Variants in PPARGC1A observed in about 807,000 individuals in gnomAD.
PPARGC1A encodes the protein peroxisome proliferator-activated receptor gamma coactivator 1-alpha.
PPARGC1A carries 25 observed loss-of-function variants against 88.7 expected under a neutral mutation model. The ratio of observed to expected loss-of-function variants is 0.28; its 90% CI spans 0.21 to 0.39. The LOEUF (loss-of-function observed/expected upper bound fraction) is 0.39, where lower values mean the gene tolerates loss of function less well. Among genes scored for constraint, PPARGC1A ranks in the 10% least tolerant of loss-of-function variants. The pLI is 1.00. For missense variants in PPARGC1A, 880 were observed against 968.7 expected, an observed-to-expected ratio of 0.91 and a Z score of 1.22; for synonymous variants, 363 against 355.6, an observed-to-expected ratio of 1.02 and a Z score of -0.24.
the PPARGC1A span, among the ~76,000 whole-genome samples, chr4:24,191,933 A>T: frequency 6.6e-6 from 1 of 152,108 alleles, no homozygotes; most frequent in Non-Finnish European, 1.5e-5. Flanking sequence ...AGTACACAAC[A>T]CTCCCATTCA....
the PPARGC1A span, among the ~76,000 whole-genome samples, chr4:24,023,343 T>C: frequency 6.6e-6 from 1 of 152,196 alleles, no homozygotes; most frequent in African/African-American, 2.4e-5. Context: ...CTCACATATA[T>C]GAAAGTTGAA....
intron 2 of PPARGC1A, among the ~76,000 whole-genome samples, chr4:23,865,875 A>G (rs183251110): frequency 6.6e-6 from 1 of 151,990 alleles, no homozygotes; most frequent in Non-Finnish European, 1.5e-5. Flanking sequence ...AAATGAGTGG[A>G]AACTAGTATA....
At chr4:23,931,143 G>A in the PPARGC1A span, among the ~76,000 whole-genome samples, 2 of 152,174 alleles carry the variant, frequency 1.3e-5, no homozygotes, top group South Asian at 2.1e-4. Flanking sequence ...TGTGGTGGCC[G>A]CTGCCTTTCT....
upstream of PPARGC1A, among the ~76,000 whole-genome samples, chr4:23,903,485 G>A (rs1231954585): frequency 6.6e-6 from 1 of 152,152 alleles, no homozygotes; most frequent in Non-Finnish European, 1.5e-5. Context: ...CATAATGTTT[G>A]AGTAATGTTG....
chr4:23,969,743 C>A, the PPARGC1A span, among the ~76,000 whole-genome samples: 1 of 152,122 alleles, frequency 6.6e-6, no homozygotes, highest in African/African-American at 2.4e-5. Flanking sequence ...TGATTTATTT[C>A]TTTCTGCCAC....
chr4:24,326,462 C>T, the PPARGC1A span, among the ~76,000 whole-genome samples: 1 of 152,188 alleles, frequency 6.6e-6, no homozygotes, highest in Non-Finnish European at 1.5e-5. Flanking sequence ...GGATCTCAAA[C>T]ATGCTTTCTT....
the PPARGC1A span, among the ~76,000 whole-genome samples, chr4:24,230,399 G>T: frequency 2.0e-5 from 3 of 152,130 alleles, no homozygotes; most frequent in Non-Finnish European, 4.4e-5. Flanking sequence ...GGTTGTACAG[G>T]AGTCAGTTCC....
At chr4:23,861,441 T>C (rs1222406731) in intron 2 of PPARGC1A, among the ~76,000 whole-genome samples, 1 of 152,222 alleles carries the variant, frequency 6.6e-6, no homozygotes, top group East Asian at 1.9e-4. Flanking sequence ...CATTCATTCA[T>C]TCCTTCATTC....
At chr4:24,333,103 G>A in the PPARGC1A span, among the ~76,000 whole-genome samples, 5 of 152,172 alleles carry the variant, frequency 3.3e-5, no homozygotes, top group Admixed American at 6.5e-5. Flanking sequence ...TTAGCTGGGC[G>A]TGGTGACACG....
chr4:23,932,282 A>ATTAGTTCCTCAC, the PPARGC1A span, among the ~76,000 whole-genome samples: 18 of 151,210 alleles, frequency 1.2e-4, no homozygotes, highest in Non-Finnish European at 2.4e-4. Context: ...AGTGGGACTA[A>ATTAGTTCCTCAC]TTAGTTCCTC....
the PPARGC1A span, among the ~76,000 whole-genome samples, chr4:24,009,133 T>TA: frequency 1.2e-4 from 9 of 74,472 alleles, no homozygotes; most frequent in Non-Finnish European, 2.3e-4. Flanking sequence ...CCGCAGTCTA[T>TA]AAAAAAAAAA....
chr4:24,333,487 T>C, the PPARGC1A span, among the ~76,000 whole-genome samples: 2 of 152,252 alleles, frequency 1.3e-5, no homozygotes, highest in Non-Finnish European at 2.9e-5. Context: ...TATTCTGTTC[T>C]CTCTGCTTTT....
the PPARGC1A span, among the ~76,000 whole-genome samples, chr4:23,975,885 T>C: frequency 6.6e-6 from 1 of 152,248 alleles, no homozygotes; most frequent in Admixed American, 6.5e-5. Context: ...AATAGCATAA[T>C]GATCTCAGTT....
At chr4:23,850,054 AATTTT>A (rs1436033236) in intron 2 of PPARGC1A, among the ~76,000 whole-genome samples, 1 of 152,216 alleles carries the variant, frequency 6.6e-6, no homozygotes, top group African/African-American at 2.4e-5. Context: ...AATTATCCAT[AATTTT>A]ATTTTCGCTT....
chr4:23,910,331 A>ACC, the PPARGC1A span, among the ~76,000 whole-genome samples: 3 of 61,724 alleles, frequency 4.9e-5, no homozygotes, highest in Non-Finnish European at 7.7e-5. Flanking sequence ...TATATTATAT[A>ACC]TTATATATAT....
At chr4:23,843,663 A>C (rs1369035370) in intron 2 of PPARGC1A, among the ~76,000 whole-genome samples, 1 of 152,094 alleles carries the variant, frequency 6.6e-6, no homozygotes, top group African/African-American at 2.4e-5. Flanking sequence ...CACAATGTAG[A>C]AATTGTAAGG....
At chr4:24,008,936 C>A in the PPARGC1A span, among the ~76,000 whole-genome samples, 5 of 151,648 alleles carry the variant, frequency 3.3e-5, no homozygotes, top group African/African-American at 1.2e-4. Context: ...GTTCTTTTCC[C>A]GCGGTTTATA....
chr4:24,026,689 T>C, the PPARGC1A span, among the ~76,000 whole-genome samples: 9 of 152,048 alleles, frequency 5.9e-5, no homozygotes, highest in African/African-American at 1.9e-4. Context: ...CAAATAATCA[T>C]CCATCCACCA....
chr4:24,433,645 C>T, the PPARGC1A span, among the ~76,000 whole-genome samples: 1 of 152,106 alleles, frequency 6.6e-6, no homozygotes, highest in Non-Finnish European at 1.5e-5. Flanking sequence ...TTCTCAGATC[C>T]CACATGACGG....
Sources: gnomAD v4.1 joint callset for allele counts (sites outside exome capture counted in the v4.1 genomes callset) on GRCh38, gnomAD v4.1.1 for gene constraint, MANE v1.5 for transcripts, NCBI Gene and HGNC (gene_info 2026-07-23, HGNC 2026-07-21) for gene names.